The following TIPRL variants were observed in gnomAD, a reference collection of about 807,000 sequenced individuals.
TIPRL encodes TOR signaling pathway regulator.
A neutral mutation model predicts 32.3 loss-of-function variants in TIPRL; 10 were observed. The observed-to-expected ratio is 0.31, with a 90% CI of 0.19 to 0.52. TIPRL has a LOEUF of 0.52. TIPRL is among the 20% of genes least tolerant of loss of function. The pLI is 0.96. For missense variants in TIPRL, 250 were observed against 328.1 expected, an observed-to-expected ratio of 0.76 and a Z score of 1.84; for synonymous variants, 100 against 114.0, an observed-to-expected ratio of 0.88 and a Z score of 0.78.
intron 4 of TIPRL, among the ~76,000 whole-genome samples, chr1:168,193,339 C>A (rs1383813509): frequency 1.3e-5 from 2 of 152,136 alleles, no homozygotes; most frequent in South Asian, 4.1e-4. Context: ...AGCTTAAGGT[C>A]ATGAAACTAA....
chr1:168,191,902 T>A lies in TIPRL; in HGVS notation c.516+402T>A, dbSNP rs371116007. Among the ~76,000 whole-genome samples the A allele has an allele frequency of 2.7e-5, 4 of 149,476 alleles. No homozygotes were observed. The East Asian group carries it at 7.9e-4, about 30-fold the overall frequency. On this transcript the variant is annotated intron_variant, in intron 4 of 6. Coordinates refer to ENST00000367833, the MANE Select transcript of TIPRL (RefSeq NM_152902.5). ...AAAAGAATAACACTGAGCTTTAACA[T>A]GATGTCATGTACAATTTCACTTGAA...
At chr1:168,179,262 C>G in intron 1 of TIPRL, 81 bp downstream of exon 1, 1 of 1,255,438 alleles carries the variant, frequency 8.0e-7, no homozygotes, top group Non-Finnish European at 1.1e-6. Flanking sequence ...TGTGCAGCCC[C>G]TCCCCTTTTC....
intron 3 of TIPRL, 145 bp from the exon 4 acceptor site, chr1:168,191,224 C>A: frequency 1.8e-6 from 1 of 561,580 alleles, no homozygotes; most frequent in Non-Finnish European, 2.9e-6. Flanking sequence ...TTTATATCTA[C>A]TAATGACACC....
chr1:168,181,544 C>T (rs1381987774), intron 1 of TIPRL, among the ~76,000 whole-genome samples: 1 of 150,528 alleles, frequency 6.6e-6, no homozygotes, highest in African/African-American at 2.4e-5. Flanking sequence ...GACAAATTGC[C>T]GATTGGTGCA....
At chr1:168,182,525 C>G (rs996224609) in intron 1 of TIPRL, among the ~76,000 whole-genome samples, 7 of 152,130 alleles carry the variant, frequency 4.6e-5, no homozygotes, top group Non-Finnish European at 1.0e-4. Context: ...CCTAGGAAGG[C>G]TGAAACAGGA....
chr1:168,183,454 G>A (rs925750303), intron 1 of TIPRL, among the ~76,000 whole-genome samples: 2 of 149,444 alleles, frequency 1.3e-5, no homozygotes, highest in African/African-American at 5.0e-5. Flanking sequence ...GTCTGTGTAG[G>A]CAAGTGCTGA....
At chr1:168,180,400 G>A (rs942674652) in intron 1 of TIPRL, among the ~76,000 whole-genome samples, 1 of 152,124 alleles carries the variant, frequency 6.6e-6, no homozygotes, top group Non-Finnish European at 1.5e-5. Context: ...GGTGGGTATA[G>A]GTCATAAAGT....
chr1:168,188,261 T>A (rs555274450), intron 3 of TIPRL, among the ~76,000 whole-genome samples: 2 of 152,286 alleles, frequency 1.3e-5, no homozygotes, highest in African/African-American at 4.8e-5. Context: ...AGGATGATGG[T>A]GTTTTCCTTC....
chr1:168,192,351 C>T (rs1700109356), intron 4 of TIPRL: 9 of 943,880 alleles, frequency 9.5e-6, no homozygotes, highest in Non-Finnish European at 1.2e-5. Context: ...AAGACTCCGT[C>T]TCAAAAAAAA....
At chr1:168,192,663 C>T (rs1168445129) in intron 4 of TIPRL, among the ~76,000 whole-genome samples, 3 of 152,220 alleles carry the variant, frequency 2.0e-5, no homozygotes, top group Non-Finnish European at 4.4e-5. Flanking sequence ...CTTTGGGAGG[C>T]CGAGGCGGGC....
Position 168,179,069 on chromosome 1 carries a change from G to T in TIPRL, c.-9G>T. ...ATTCCTTGTGGCCTCTGCGGGTCCT[G>T]CCTCAGCCATGATGATCCACGGCTT... is the stretch of plus-strand genomic sequence containing the variant. On this transcript the variant is annotated 5_prime_UTR_variant, in exon 1 of 7. Transcript: ENST00000367833. 1.2e-6 allele frequency: 2 copies of T among 1,613,168 alleles called. No individual in the cohort carries two copies. Among genetic ancestry groups the T allele is most frequent in the South Asian group, 1.1e-5 (1 of 90,984 alleles).
At chr1:168,179,208 G>GC in intron 1 of TIPRL, 27 bp downstream of exon 1, 1 of 1,608,954 alleles carries the variant, frequency 6.2e-7, no homozygotes, top group Non-Finnish European at 8.5e-7. Context: ...CGGGGTCTGG[G>GC]CGCTGGCCGG....
chr1:168,184,510 A>G (rs777498137), intron 2 of TIPRL, among the ~76,000 whole-genome samples: 3 of 152,218 alleles, frequency 2.0e-5, no homozygotes, highest in Non-Finnish European at 4.4e-5. Context: ...AATATGTACT[A>G]AGTACCTTAG....
At chr1:168,188,634 T>C (rs1572432735) in intron 3 of TIPRL, among the ~76,000 whole-genome samples, 1 of 152,150 alleles carries the variant, frequency 6.6e-6, no homozygotes, top group South Asian at 2.1e-4. Context: ...CATGTCTTAG[T>C]TTGCCTGCCT....
At chr1:168,185,113 A>G (rs1170223622) in intron 3 of TIPRL, among the ~76,000 whole-genome samples, 2 of 152,238 alleles carry the variant, frequency 1.3e-5, no homozygotes, top group African/African-American at 4.8e-5. Flanking sequence ...GCAACGGCAG[A>G]CGGCCTTGTT....
In TIPRL at chr1:168,198,965, A is replaced by G. The variant is rs753509670; in HGVS notation, c.659A>G (p.Lys220Arg). The change falls in exon 6 of 7, where the codon AAA (lysine) becomes AGA (arginine). Residue 220 changes from lysine to arginine, a missense_variant. Coordinates refer to ENST00000367833, the MANE Select transcript of TIPRL (RefSeq NM_152902.5). ...CGAGAATATACGTCACGAGAAAGCAAAATTTCTAGTTTGATGGCAAGTACT... is the reference window on the plus strand; with the variant it reads ...CGAGAATATACGTCACGAGAAAGCAGAATTTCTAGTTTGATGGCAAGTACT... ...MLREYTSRESKISSLMHVPPS... is the reference protein window; with the variant it reads ...MLREYTSRESRISSLMHVPPS... 5.6e-6 allele frequency: 9 copies of G among 1,611,976 alleles called. No individual in the cohort carries two copies. In the Admixed American group the frequency reaches 1.3e-4, roughly 24 times the overall value.
chr1:168,191,008 A>G (rs1404976683), intron 3 of TIPRL, among the ~76,000 whole-genome samples: 4 of 152,246 alleles, frequency 2.6e-5, no homozygotes, highest in Non-Finnish European at 5.9e-5. Flanking sequence ...CTTTCACAGC[A>G]CAAATGTTCT....
At position 168,184,885 on chromosome 1, in the gene TIPRL, C is replaced by T; in HGVS notation, c.384+7C>T. 1 of 1,565,118 alleles carries T rather than the reference C, an allele frequency of 6.4e-7. No homozygotes were observed. The highest frequency in any genetic ancestry group is 8.8e-7 in the Non-Finnish European group (1 of 1,138,864). On this transcript the variant is annotated splice_region_variant and intron_variant, in intron 3 of 6. Transcript: ENST00000367833. ...AGAATCTCTTAAGTTAAAGGTAAATCTTACTTTTTTCTTTCATGAGTCATT... is the reference window on the plus strand; with the variant it reads ...AGAATCTCTTAAGTTAAAGGTAAATTTTACTTTTTTCTTTCATGAGTCATT...
At position 168,183,942 on chromosome 1, in the gene TIPRL, A is replaced by T; in HGVS notation, c.145A>T (p.Met49Leu). ...ELHMPSLPEM[M>L]FGDNVLRIQH... ...ACATATGCCATCTCTCCCTGAAATG[A>T]TGTTTGGAGACAACGTTTTAAGAAT... The change falls in exon 2 of 7, where the codon ATG becomes TTG. Residue 49 changes from methionine to leucine, a missense_variant. Transcript: ENST00000367833. 6.2e-7 allele frequency: 1 copy of T among 1,614,040 alleles called. No individual in the cohort carries two copies. Among genetic ancestry groups the T allele is most frequent in the South Asian group, 1.1e-5 (1 of 91,084 alleles).
Sources: allele counts gnomAD v4.1 joint callset (sites outside exome capture counted in the v4.1 genomes callset), GRCh38; gene constraint gnomAD v4.1.1; transcripts MANE v1.5; gene names NCBI Gene and HGNC (gene_info 2026-07-23, HGNC 2026-07-21).